The following DPH3 variants were observed in gnomAD, a reference collection of about 807,000 sequenced individuals.
DPH3 encodes diphthamide biosynthesis protein 3.
In DPH3, 8 loss-of-function variants were observed where a neutral mutation model predicts 10.2. The observed-to-expected ratio is 0.79, with a 90% CI of 0.46 to 1.42. The LOEUF (loss-of-function observed/expected upper bound fraction) is 1.42. DPH3 is among the 40% of genes most tolerant of loss of function. DPH3 has a pLI of 0.00. For missense variants in DPH3, 96 were observed against 98.9 expected (o/e 0.97, Z 0.12); for synonymous variants, 35 against 35.6 (o/e 0.98, Z 0.06).
chr3:16,264,745 C>G (rs751125512), intron 1 of DPH3, 24 bp downstream of exon 1: 15 of 1,611,590 alleles, frequency 9.3e-6, no homozygotes, highest in South Asian at 1.1e-5. Context: ...TTGGGTGAAC[C>G]GCCGGGCGGG....
In DPH3 at chr3:16,263,583, G is replaced by A. The variant is rs2064325451; in HGVS notation, c.183+572C>T. Among the ~76,000 whole-genome samples, 1 of 152,134 alleles carries A rather than the reference G, an allele frequency of 6.6e-6. No individual in the cohort carries two copies. Among genetic ancestry groups the A allele is most frequent in the Admixed American group, 6.5e-5 (1 of 15,280 alleles). ...TGGACTTCATCCTTGAGAGTGTTAA[G>A]GTCCTTACCTAAGATTCCATTCCAA... On this transcript the variant is annotated intron_variant, in intron 2 of 2. Transcript: ENST00000488423. The surrounding 1 kb of genome is among the most constrained non-coding windows in gnomAD (Gnocchi z 4.0).
Position 16,260,693 on chromosome 3 carries a change from G to A in DPH3, c.*71C>T. 4.4e-6 allele frequency: 6 copies of A among 1,377,228 alleles called. No individual in the cohort carries two copies. The highest frequency in any genetic ancestry group is 3.6e-5 in the South Asian group (3 of 82,484). The allele number at this position is 1,377,228 out of a possible 1,614,324, so 85.3% of individuals were successfully genotyped here. On this transcript the variant is annotated 3_prime_UTR_variant, in exon 3 of 3. Coordinates refer to ENST00000488423, the MANE Select transcript of DPH3 (RefSeq NM_206831.3). ...ATAAATGGTTGTCTCTGTGAAGCCAGTAGCTTTGCATTCGATATTTCTATC... is the reference window on the plus strand; with the variant it reads ...ATAAATGGTTGTCTCTGTGAAGCCAATAGCTTTGCATTCGATATTTCTATC...
At position 16,264,825 on chromosome 3, in the gene DPH3, C is replaced by T; in HGVS notation, c.52G>A (p.Asp18Asn). Residue 18 changes from aspartate (D) to asparagine (N), a missense_variant, in exon 1 of 3, where the codon GAC becomes AAC. Asp to Asn is a conservative substitution (Grantham distance 23). Transcript: ENST00000488423. ...VEIEDFQYDE[D>N]SETYFYPCPC... ...CAGGGATAGAAATACGTCTCCGAGTCCTCGTCATATTGGAAGTCCTCGATT... is the reference window on the plus strand; with the variant it reads ...CAGGGATAGAAATACGTCTCCGAGTTCTCGTCATATTGGAAGTCCTCGATT... 4 of 1,614,220 alleles carry T rather than the reference C, an allele frequency of 2.5e-6. No individual in the cohort carries two copies. The highest frequency in any genetic ancestry group is 1.6e-4 in the Middle Eastern group (1 of 6,062).
At position 16,258,675 on chromosome 3, in the gene DPH3, ACTC is replaced by A. The variant is rs2064270908; in HGVS notation, c.*2086_*2088del. The A allele has an allele frequency of 6.6e-6, 1 of 151,016 alleles. No individual in the cohort carries two copies. The highest frequency in any genetic ancestry group is 2.1e-4 in the South Asian group (1 of 4,748). 9.4% of individuals were successfully genotyped at this position (151,016 alleles called of 1,614,324 possible). A position where few individuals can be genotyped will look rare whatever the true frequency, so the allele number is the denominator to read the frequency against. ...TCTATGTTGCCCAGGCTAGTCTTGA[ACTC>A]CTGGCCTCACATGATCCTCCTGCCT... On this transcript the variant is annotated 3_prime_UTR_variant, in exon 3 of 3. Transcript: ENST00000488423.
rs759424158 is a variant in DPH3 at position 16,257,391 on chromosome 3, T to C, written c.*3373A>G. Among the ~76,000 whole-genome samples, 1 of 152,250 alleles carries C rather than the reference T, an allele frequency of 6.6e-6. No homozygotes were observed. The highest frequency in any genetic ancestry group is 1.5e-5 in the Non-Finnish European group (1 of 68,042). ...CTTGGGGGCTCTAACTCATCTGTAA[T>C]CTTGCTTCTGTCTCTTCTAGTTCCA... On this transcript the variant is annotated 3_prime_UTR_variant, in exon 3 of 3. Transcript: ENST00000488423.
chr3:16,264,305 T>A (rs867629591), intron 1 of DPH3, 76 bp from the exon 2 acceptor site: 1 of 1,189,128 alleles, frequency 8.4e-7, no homozygotes, highest in Non-Finnish European at 1.2e-6. Context: ...ATCCCACCCC[T>A]AGATGCAAGT....
In DPH3 at chr3:16,259,034, G is replaced by C. The variant is rs1243179965; in HGVS notation, c.*1730C>G. ...ACCCACATCAAGGGTGTCTGTTCGTGTTTGAAACTCATCAGCATCAGAAAG... is the reference window on the plus strand; with the variant it reads ...ACCCACATCAAGGGTGTCTGTTCGTCTTTGAAACTCATCAGCATCAGAAAG... On this transcript the variant is annotated 3_prime_UTR_variant, in exon 3 of 3. Coordinates refer to ENST00000488423, the MANE Select transcript of DPH3 (RefSeq NM_206831.3). 1 of 152,182 alleles carries C rather than the reference G, an allele frequency of 6.6e-6. No individual in the cohort carries two copies. Among genetic ancestry groups the C allele is most frequent in the Non-Finnish European group, 1.5e-5 (1 of 68,048 alleles). 9.4% of individuals were successfully genotyped at this position (152,182 alleles called of 1,614,324 possible).
In DPH3 at chr3:16,258,349, A is replaced by T. The variant is rs1040727710; in HGVS notation, c.*2415T>A. ...AGCTGAAGAATCCAATGGCCTTGCC[A>T]AAGATTACGAAGCTAAAAAGAGACA... On this transcript the variant is annotated 3_prime_UTR_variant, in exon 3 of 3. Transcript: ENST00000488423. 1 of 138,202 alleles carries T rather than the reference A, an allele frequency of 7.2e-6. No homozygotes were observed. The highest frequency in any genetic ancestry group is 2.6e-5 in the African/African-American group (1 of 38,478). 8.6% of individuals were successfully genotyped at this position (138,202 alleles called of 1,614,324 possible).
rs537631691 is a variant in DPH3 at position 16,261,486 on chromosome 3, A to G, written c.184-657T>C. Among the ~76,000 whole-genome samples the G allele has an allele frequency of 6.6e-6, 1 of 152,346 alleles. No homozygotes were observed. The highest frequency in any genetic ancestry group is 1.9e-4 in the East Asian group (1 of 5,194). ...GAATTCATGGTCCATTGTTAGCACA[A>G]TGCTTCATATTCTCAACCTCTTTCT... On this transcript the variant is annotated intron_variant, in intron 2 of 2. Coordinates refer to ENST00000488423, the MANE Select transcript of DPH3 (RefSeq NM_206831.3). This position sits in a 1 kb window ranked among gnomAD's most constrained non-coding sequence, Gnocchi z 7.1.
At position 16,260,366 on chromosome 3, in the gene DPH3, A is replaced by C. The variant is rs2064284660; in HGVS notation, c.*398T>G. On this transcript the variant is annotated 3_prime_UTR_variant, in exon 3 of 3. Transcript: ENST00000488423. ...TTTCAAAGGAAGGGCTAATTTTAAT[A>C]ATCTTAATAACCAAGTCAAAAATAC... 1 of 164,926 alleles carries C rather than the reference A, an allele frequency of 6.1e-6. No individual in the cohort carries two copies. The highest frequency in any genetic ancestry group is 1.3e-5 in the Non-Finnish European group (1 of 75,920). The allele number at this position is 164,926 out of a possible 1,614,324, so 10.2% of individuals were successfully genotyped here. A position where few individuals can be genotyped will look rare whatever the true frequency, so the allele number is the denominator to read the frequency against.
chr3:16,257,762 C>T lies in DPH3; in HGVS notation c.*3002G>A, dbSNP rs184178430. Among the ~76,000 whole-genome samples the T allele has an allele frequency of 9.3e-4, 141 of 152,278 alleles. No homozygotes were observed. Among genetic ancestry groups the T allele is most frequent in the Admixed American group, 2.0e-3 (30 of 15,302 alleles). ...ACTCATCTAAGAATGTCAACTTTGTCTTACTACCACTTGACTCAGTTATTT... is the reference window on the plus strand; with the variant it reads ...ACTCATCTAAGAATGTCAACTTTGTTTTACTACCACTTGACTCAGTTATTT... On this transcript the variant is annotated 3_prime_UTR_variant, in exon 3 of 3. Coordinates refer to ENST00000488423, the MANE Select transcript of DPH3 (RefSeq NM_206831.3).
At chr3:16,264,513 T>C in intron 1 of DPH3, 2 of 574,676 alleles carry the variant, frequency 3.5e-6, no homozygotes, top group East Asian at 2.9e-5. Flanking sequence ...GTTGGGACCC[T>C]AAGGCAGGGA....
chr3:16,260,720 G>T lies in DPH3; in HGVS notation c.*44C>A. The T allele has an allele frequency of 6.5e-7, 1 of 1,543,214 alleles. No homozygotes were observed. Among genetic ancestry groups the T allele is most frequent in the South Asian group, 1.1e-5 (1 of 88,404 alleles). ...AGCTTTGCATTCGATATTTCTATCT[G>T]GGCTCATTCCAAATGTTCAGGATTT... On this transcript the variant is annotated 3_prime_UTR_variant, in exon 3 of 3. Transcript: ENST00000488423.
In DPH3 at chr3:16,264,148, C is replaced by T. The variant is rs773289436; in HGVS notation, c.183+7G>A. The T allele has an allele frequency of 2.5e-6, 4 of 1,603,168 alleles. No homozygotes were observed. In the East Asian group the frequency reaches 6.7e-5, roughly 27 times the overall value. ...CCCTTCCCCCGTTTTAAAATTATATCCCTTACTTTGTCATAAATCACTTTT... is the reference window on the plus strand; with the variant it reads ...CCCTTCCCCCGTTTTAAAATTATATTCCTTACTTTGTCATAAATCACTTTT... On this transcript the variant is annotated splice_region_variant and intron_variant, in intron 2 of 2. Coordinates refer to ENST00000488423, the MANE Select transcript of DPH3 (RefSeq NM_206831.3).
chr3:16,259,150 G>A lies in DPH3; in HGVS notation c.*1614C>T, dbSNP rs1477097653. 1 of 152,098 alleles carries A rather than the reference G, an allele frequency of 6.6e-6. No homozygotes were observed. The highest frequency in any genetic ancestry group is 1.5e-5 in the Non-Finnish European group (1 of 67,986). The allele number at this position is 152,098 out of a possible 1,614,324, so 9.4% of individuals were successfully genotyped here. ...CAGCTGATGCCACCATAGTGAGTGA[G>A]TACTCTGCTCTGTTCATCTGAGCAG... On this transcript the variant is annotated 3_prime_UTR_variant, in exon 3 of 3. Coordinates refer to ENST00000488423, the MANE Select transcript of DPH3 (RefSeq NM_206831.3).
In DPH3 at chr3:16,260,753, T is replaced by G; in HGVS notation, c.*11A>C. The G allele has an allele frequency of 6.2e-7, 1 of 1,612,186 alleles. No individual in the cohort carries two copies. The highest frequency in any genetic ancestry group is 8.5e-7 in the Non-Finnish European group (1 of 1,178,706). ...TCCAAATGTTCAGGATTTGGATTCC[T>G]GAAGGCTTCTTCAGCATTTAACTAA... is the stretch of plus-strand genomic sequence containing the variant. On this transcript the variant is annotated 3_prime_UTR_variant, in exon 3 of 3. Transcript: ENST00000488423.
rs1575012969 is a variant in DPH3 at position 16,259,143 on chromosome 3, T to C, written c.*1621A>G. The C allele has an allele frequency of 7.0e-6, 1 of 143,566 alleles. No homozygotes were observed. The highest frequency in any genetic ancestry group is 1.6e-5 in the Non-Finnish European group (1 of 62,604). The allele number at this position is 143,566 out of a possible 1,614,324, so 8.9% of individuals were successfully genotyped here. Reference sequence around the variant, plus strand: ...TGCTTTGCAGCTGATGCCACCATAGTGAGTGAGTACTCTGCTCTGTTCATC... The same window carrying C: ...TGCTTTGCAGCTGATGCCACCATAGCGAGTGAGTACTCTGCTCTGTTCATC... On this transcript the variant is annotated 3_prime_UTR_variant, in exon 3 of 3. Coordinates refer to ENST00000488423, the MANE Select transcript of DPH3 (RefSeq NM_206831.3).
rs1465726172 is a variant in DPH3 at position 16,257,750 on chromosome 3, T to C, written c.*3014A>G. Among the ~76,000 whole-genome samples the C allele has an allele frequency of 2.6e-5, 4 of 152,370 alleles. No individual in the cohort carries two copies. In the East Asian group the frequency reaches 7.7e-4, roughly 29 times the overall value. ...ATAAACTGAGTTACTCATCTAAGAA[T>C]GTCAACTTTGTCTTACTACCACTTG... On this transcript the variant is annotated 3_prime_UTR_variant, in exon 3 of 3. Transcript: ENST00000488423.
Position 16,264,913 on chromosome 3 carries a change from A to G in DPH3, c.-37T>C. On this transcript the variant is annotated 5_prime_UTR_variant, in exon 1 of 3. Transcript: ENST00000488423. The stretch of plus-strand genomic sequence containing the variant: ...GTGGCCGAAGGGGTAACGCCCCAGC[A>G]GTCCGAGGCCAGCTCCGAGGGTTTA... 2 of 1,609,918 alleles carry G rather than the reference A, an allele frequency of 1.2e-6. No homozygotes were observed. The highest frequency in any genetic ancestry group is 1.7e-6 in the Non-Finnish European group (2 of 1,176,640).
Sources: allele counts gnomAD v4.1 joint callset (sites outside exome capture counted in the v4.1 genomes callset), GRCh38; gene constraint gnomAD v4.1.1; non-coding constraint Gnocchi (gnomAD v3.1); transcripts MANE v1.5; gene names NCBI Gene and HGNC (gene_info 2026-07-23, HGNC 2026-07-21).